KCND3: variants seen among roughly 807,000 people sequenced by gnomAD.
The protein encoded by KCND3 is A-type voltage-gated potassium channel KCND3.
In KCND3, 9 loss-of-function variants were observed where a neutral mutation model predicts 51.1. That is an observed-to-expected ratio of 0.18 (90% confidence interval 0.11 to 0.31). The LOEUF (loss-of-function observed/expected upper bound fraction) is 0.31. Ranked by LOEUF, KCND3 falls within the 10% of genes least tolerant of loss-of-function variation. The pLI is 1.00. For synonymous variants in KCND3, 349 were observed against 368.0 expected, an observed-to-expected ratio of 0.95 and a Z score of 0.59; for missense variants, 526 against 903.8, an observed-to-expected ratio of 0.58 and a Z score of 5.36.
intron 2 of KCND3, among the ~76,000 whole-genome samples, chr1:111,958,769 C>A (rs796341547): frequency 2.6e-5 from 4 of 152,172 alleles, no homozygotes; most frequent in South Asian, 2.1e-4. Flanking sequence ...ATCTCCACCC[C>A]ACAGTGTCCA....
chr1:111,890,038 C>T (rs893417111), intron 2 of KCND3, among the ~76,000 whole-genome samples: 2 of 152,120 alleles, frequency 1.3e-5, no homozygotes, highest in African/African-American at 4.8e-5. Flanking sequence ...TTCAATGACT[C>T]CAGAGTGGCC....
At chr1:111,979,776 T>C (rs1480334194) in intron 2 of KCND3, among the ~76,000 whole-genome samples, 4 of 152,230 alleles carry the variant, frequency 2.6e-5, no homozygotes, top group African/African-American at 9.6e-5. Context: ...GCAAAGTTCT[T>C]AGTACACTGC....
In KCND3 at chr1:111,981,606, C is replaced by A. The variant is rs576387212; in HGVS notation, c.1106+15G>T. ...CCAACCTCCGTCCTGGTTTCATCCA[C>A]CAGCGCTGACTTACCCCAGTGTGGT... On this transcript the variant is annotated intron_variant, in intron 2 of 7. Transcript: ENST00000302127. The surrounding 1 kb of genome is among the most constrained non-coding windows in gnomAD (Gnocchi z 6.2). 1 of 1,613,996 alleles carries A rather than the reference C, an allele frequency of 6.2e-7. No homozygotes were observed. The highest frequency in any genetic ancestry group is 1.3e-5 in the African/African-American group (1 of 74,934).
chr1:111,916,506 CTT>C (rs760582023), intron 2 of KCND3, among the ~76,000 whole-genome samples: 15 of 152,010 alleles, frequency 9.9e-5, no homozygotes, highest in African/African-American at 1.4e-4. Context: ...CTACTTCTAC[CTT>C]AAGAAACCAG....
At chr1:111,853,430 A>G (rs1277281876) in intron 2 of KCND3, among the ~76,000 whole-genome samples, 1 of 152,190 alleles carries the variant, frequency 6.6e-6, no homozygotes, top group Admixed American at 6.5e-5. Flanking sequence ...CTCTAGAACC[A>G]GAACAATCTG....
intron 2 of KCND3, among the ~76,000 whole-genome samples, chr1:111,846,816 TG>T (rs959543747): frequency 6.6e-5 from 10 of 152,194 alleles, no homozygotes; most frequent in Admixed American, 1.3e-4. Context: ...CATTTGACAA[TG>T]GGGGGAAACT....
intron 2 of KCND3, among the ~76,000 whole-genome samples, chr1:111,905,275 A>G (rs1179089752): frequency 1.3e-5 from 2 of 152,230 alleles, no homozygotes; most frequent in East Asian, 3.8e-4. Context: ...ACAGAACAGG[A>G]GACACTGATG....
At chr1:111,950,333 A>G (rs1190096162) in intron 2 of KCND3, among the ~76,000 whole-genome samples, 1 of 152,148 alleles carries the variant, frequency 6.6e-6, no homozygotes, top group Non-Finnish European at 1.5e-5. Context: ...TGACCTACTA[A>G]TGGGCTGGTA....
At chr1:111,960,050 A>C in intron 2 of KCND3, among the ~76,000 whole-genome samples, 1 of 152,084 alleles carries the variant, frequency 6.6e-6, no homozygotes, top group Non-Finnish European at 1.5e-5. Context: ...AAGAAAAAAA[A>C]AAAAGCGTTT....
intron 2 of KCND3, among the ~76,000 whole-genome samples, chr1:111,937,504 G>A (rs1672278543): frequency 6.6e-6 from 1 of 152,220 alleles, no homozygotes; most frequent in African/African-American, 2.4e-5. Flanking sequence ...AATGTCTGCT[G>A]TAGAAATGAG....
intron 2 of KCND3, among the ~76,000 whole-genome samples, chr1:111,885,772 A>C (rs1317881993): frequency 6.6e-6 from 1 of 151,980 alleles, no homozygotes; most frequent in Non-Finnish European, 1.5e-5. Context: ...TTCTGGTTTC[A>C]AGCGATTCTC....
chr1:111,843,951 G>A (rs766990791), intron 2 of KCND3, among the ~76,000 whole-genome samples: 1 of 152,138 alleles, frequency 6.6e-6, no homozygotes, highest in African/African-American at 2.4e-5. Context: ...AGTAAACATG[G>A]CTTCTTCCCC....
intron 3 of KCND3, among the ~76,000 whole-genome samples, chr1:111,785,876 A>C (rs767195300): frequency 3.9e-5 from 6 of 152,176 alleles, no homozygotes; most frequent in Admixed American, 1.3e-4. Context: ...TGCAATGCAT[A>C]GGGCCGACCA....
intron 2 of KCND3, among the ~76,000 whole-genome samples, chr1:111,840,190 T>C (rs1244293515): frequency 6.6e-6 from 1 of 152,118 alleles, no homozygotes; most frequent in Non-Finnish European, 1.5e-5. Flanking sequence ...ACCTAATCAC[T>C]TCCTAGAGGC....
intron 2 of KCND3, among the ~76,000 whole-genome samples, chr1:111,960,003 C>G (rs1171530256): frequency 6.6e-6 from 1 of 151,628 alleles, no homozygotes; most frequent in African/African-American, 2.4e-5. Context: ...CTTTGCTCAG[C>G]ACTCACTCTT....
chr1:111,827,155 T>G (rs570753520), intron 2 of KCND3, among the ~76,000 whole-genome samples: 1 of 152,044 alleles, frequency 6.6e-6, no homozygotes, highest in South Asian at 2.1e-4. Flanking sequence ...AGGCACAGAG[T>G]GGTTAAGTAG....
At chr1:111,853,712 C>T (rs984356205) in intron 2 of KCND3, 4 of 152,238 alleles carry the variant, frequency 2.6e-5, no homozygotes, top group African/African-American at 9.7e-5. Flanking sequence ...GGTTCATCTG[C>T]TTTGTTCACT....
In KCND3 at chr1:111,982,387, A is replaced by C; in HGVS notation, c.340T>G (p.Tyr114Asp). The C allele has an allele frequency of 6.2e-7, 1 of 1,614,190 alleles. No homozygotes were observed. Among genetic ancestry groups the C allele is most frequent in the Non-Finnish European group, 8.5e-7 (1 of 1,180,046 alleles). Residue 114 changes from tyrosine to aspartate, a missense_variant, in exon 2 of 8, where the codon TAC becomes GAC. Transcript: ENST00000302127. The surrounding 1 kb of genome is among the most constrained non-coding windows in gnomAD (Gnocchi z 8.5). ...HYPRYECISA[Y>D]DDELAFYGIL... ...CCGTAGAAGGCCAGCTCGTCGTCGT[A>C]GGCAGAGATGCACTCGTAGCGCGGG... is the stretch of plus-strand genomic sequence containing the variant.
At chr1:111,985,120 A>T (rs1675196347) in intron 1 of KCND3, among the ~76,000 whole-genome samples, 1 of 152,214 alleles carries the variant, frequency 6.6e-6, no homozygotes. Flanking sequence ...TTTCATAGAT[A>T]AGGAAAGCTA....
Sources: allele counts gnomAD v4.1 joint callset (sites outside exome capture counted in the v4.1 genomes callset), GRCh38; gene constraint gnomAD v4.1.1; non-coding constraint Gnocchi (gnomAD v3.1); transcripts MANE v1.5; gene names NCBI Gene and HGNC (gene_info 2026-07-23, HGNC 2026-07-21).